Variants in PLCL2 observed in about 807,000 individuals in gnomAD.
The protein encoded by PLCL2 is phospholipase C like 2.
A neutral mutation model predicts 79.6 loss-of-function variants in PLCL2; 4 were observed. The ratio of observed to expected loss-of-function variants is 0.05; its 90% CI spans 0.02 to 0.11. The LOEUF (loss-of-function observed/expected upper bound fraction) is 0.11. PLCL2 is among the 10% of genes least tolerant of loss of function. PLCL2 has a pLI of 1.00. For missense variants in PLCL2, 895 were observed against 1,291.0 expected (o/e 0.69, Z 4.70); for synonymous variants, 484 against 457.7 (o/e 1.06, Z -0.73).
intron 1 of PLCL2, among the ~76,000 whole-genome samples, chr3:16,997,600 G>T (rs367871902): frequency 6.7e-6 from 1 of 149,772 alleles, no homozygotes; most frequent in African/African-American, 2.5e-5. Context: ...ATGCAGTGGC[G>T]CAATCTCAGC....
At chr3:17,066,267 T>C (rs979291250) in intron 4 of PLCL2, among the ~76,000 whole-genome samples, 1 of 152,180 alleles carries the variant, frequency 6.6e-6, no homozygotes, top group Non-Finnish European at 1.5e-5. Context: ...ATCTTACTAG[T>C]TACTGTTCTT....
Position 17,011,947 on chromosome 3 carries a change from G to C in PLCL2, c.2601G>C (p.Glu867Asp). The C allele has an allele frequency of 6.2e-7, 1 of 1,614,206 alleles. No homozygotes were observed. Among genetic ancestry groups the C allele is most frequent in the Non-Finnish European group, 8.5e-7 (1 of 1,180,020 alleles). Reference protein sequence around the residue: ...RHVPLQSLTGEVLAHASLFVH... With the variant: ...RHVPLQSLTGDVLAHASLFVH... ...TCCCCCTGCAGTCCTTAACTGGAGA[G>C]GTCCTTGCACATGCTTCTTTATTTG... Residue 867 changes from glutamate (E) to aspartate (D), a missense_variant, in exon 2 of 6, where the codon GAG (glutamate) becomes GAC (aspartate). This residue lies in a region of PLCL2 where 298 missense variants were observed against 459.6 expected (regional missense o/e 0.65). Coordinates refer to ENST00000615277, the MANE Select transcript of PLCL2 (RefSeq NM_001144382.2). The surrounding 1 kb of genome is among the most constrained non-coding windows in gnomAD (Gnocchi z 7.9).
intron 1 of PLCL2, among the ~76,000 whole-genome samples, chr3:16,939,128 C>T (rs1575540440): frequency 6.6e-6 from 1 of 152,048 alleles, no homozygotes; most frequent in South Asian, 2.1e-4. Context: ...ACAATTCTCC[C>T]TGTAGATAGC....
rs1032386844 is a variant in PLCL2, at chr3:17,052,773, C to T, written c.3094+9824C>T. On this transcript the variant is annotated intron_variant, in intron 4 of 5. Coordinates refer to ENST00000615277, the MANE Select transcript of PLCL2 (RefSeq NM_001144382.2). ...GAGGATGAAGACCTTTGTGATGATC[C>T]ACTTCCACGTGATAAATAGTAAATA... 2.0e-5 allele frequency among the ~76,000 whole-genome samples: 3 copies of T among 152,146 alleles called. No homozygotes were observed. In the South Asian group the frequency reaches 6.2e-4, roughly 32 times the overall value.
intron 1 of PLCL2, among the ~76,000 whole-genome samples, chr3:16,890,284 A>G (rs768516185): frequency 6.6e-6 from 1 of 152,250 alleles, no homozygotes; most frequent in Non-Finnish European, 1.5e-5. Flanking sequence ...ATCAAATCCA[A>G]ATAGGCAACT....
At chr3:16,890,655 C>A (rs772686884) in intron 1 of PLCL2, among the ~76,000 whole-genome samples, 6 of 152,188 alleles carry the variant, frequency 3.9e-5, no homozygotes, top group Non-Finnish European at 8.8e-5. Flanking sequence ...ACTTTAACTT[C>A]TTTTCTGTTC....
chr3:16,919,147 A>G (rs1697064885), intron 1 of PLCL2, among the ~76,000 whole-genome samples: 1 of 152,170 alleles, frequency 6.6e-6, no homozygotes, highest in South Asian at 2.1e-4. Context: ...AAATTACTAA[A>G]TAATAATTTA....
intron 1 of PLCL2, among the ~76,000 whole-genome samples, chr3:16,902,114 T>C (rs1186961496): frequency 6.6e-6 from 1 of 152,206 alleles, no homozygotes; most frequent in Non-Finnish European, 1.5e-5. Flanking sequence ...CTCACTACAA[T>C]GTATTCACAT....
At chr3:17,054,138 A>G (rs1162777628) in intron 4 of PLCL2, among the ~76,000 whole-genome samples, 1 of 152,174 alleles carries the variant, frequency 6.6e-6, no homozygotes, top group East Asian at 1.9e-4. Context: ...TTTGCTGCTT[A>G]GGAATTTCTT....
At chr3:16,978,246 T>C (rs2063946341) in intron 1 of PLCL2, among the ~76,000 whole-genome samples, 1 of 152,212 alleles carries the variant, frequency 6.6e-6, no homozygotes, top group Non-Finnish European at 1.5e-5. Flanking sequence ...CTTTTTATTG[T>C]TGAGAGGTGG....
intron 3 of PLCL2, among the ~76,000 whole-genome samples, chr3:17,023,425 G>T (rs531953622): frequency 6.6e-6 from 1 of 152,292 alleles, no homozygotes; most frequent in South Asian, 2.1e-4. Flanking sequence ...GGACCCAGGG[G>T]GAGGTAGTTG....
intron 1 of PLCL2, among the ~76,000 whole-genome samples, chr3:16,974,467 T>C (rs376024397): frequency 2.0e-5 from 3 of 152,242 alleles, no homozygotes; most frequent in East Asian, 3.9e-4. Context: ...GCCTAGGCTT[T>C]AGAAAAATGG....
chr3:16,972,274 G>A lies in PLCL2; in HGVS notation c.328-37400G>A, dbSNP rs139058150. On this transcript the variant is annotated intron_variant, in intron 1 of 5. Coordinates refer to ENST00000615277, the MANE Select transcript of PLCL2 (RefSeq NM_001144382.2). ...TGCAGATGACATGATTGTATATCTC[G>A]AAAACCCCATTGTCTCAGCCCAAAA... Among the ~76,000 whole-genome samples, 1,011 of 152,264 alleles carry A rather than the reference G, an allele frequency of 6.6e-3. 5 individuals are homozygous for A. Among genetic ancestry groups the A allele is most frequent in the African/African-American group, 0.02 (837 of 41,560 alleles).
chr3:16,938,784 G>A (rs113493597), intron 1 of PLCL2, among the ~76,000 whole-genome samples: 2,597 of 152,228 alleles, frequency 0.017, 64 homozygotes, highest in African/African-American at 0.055. Flanking sequence ...CCAGGCATGA[G>A]TTCTTTAAAT....
In PLCL2 at chr3:17,010,340, A is replaced by G. The variant is rs1435853053; in HGVS notation, c.994A>G (p.Ile332Val). Residue 332 changes from isoleucine (I) to valine (V), a missense_variant, in exon 2 of 6, where the codon ATT (isoleucine) becomes GTT (valine). This residue lies in a region of PLCL2 where 93 missense variants were observed against 93.2 expected (regional missense o/e 1.00). Coordinates refer to ENST00000615277, the MANE Select transcript of PLCL2 (RefSeq NM_001144382.2). This position sits in a 1 kb window ranked among gnomAD's most constrained non-coding sequence, Gnocchi z 5.8. ...TACCGAGGTCACAAAGGAAGAATTT[A>G]TTGAGGTTTTTCATGAGCTTTGTAC... ...AGTEVTKEEF[I>V]EVFHELCTRP... 7 of 1,613,964 alleles carry G rather than the reference A, an allele frequency of 4.3e-6. No individual in the cohort carries two copies. Among genetic ancestry groups the G allele is most frequent in the East Asian group, 2.2e-5 (1 of 44,882 alleles).
At chr3:16,965,449 T>C (rs906128096) in intron 1 of PLCL2, among the ~76,000 whole-genome samples, 2 of 152,098 alleles carry the variant, frequency 1.3e-5, no homozygotes, top group African/African-American at 4.8e-5. Flanking sequence ...TGAAGTCAGG[T>C]AGCGTGATGC....
At chr3:16,990,774 G>A (rs974517260) in intron 1 of PLCL2, among the ~76,000 whole-genome samples, 4 of 152,140 alleles carry the variant, frequency 2.6e-5, no homozygotes, top group African/African-American at 9.7e-5. Context: ...ACTTCCCAAG[G>A]CTGCACAGTT....
Position 17,042,888 on chromosome 3 carries a change from C to T in PLCL2, c.3033C>T (p.Leu1011=). The change falls in exon 4 of 6, where the codon CTC becomes CTT. Residue 1011 remains leucine, a synonymous_variant. Coordinates refer to ENST00000615277, the MANE Select transcript of PLCL2 (RefSeq NM_001144382.2). ...VTTYDMMIQS[L]KALIENADAV... ...TCCCTTTGCAGATGATTCAGTCCCT[C>T]AAGGCGTTGATTGAAAATGCAGATG... 1.2e-6 allele frequency: 2 copies of T among 1,611,124 alleles called. No homozygotes were observed. Among genetic ancestry groups the T allele is most frequent in the Non-Finnish European group, 1.7e-6 (2 of 1,177,488 alleles).
At chr3:16,985,115 G>C (rs1358677531) in intron 1 of PLCL2, among the ~76,000 whole-genome samples, 1 of 151,990 alleles carries the variant, frequency 6.6e-6, no homozygotes. Context: ...ACTTCTCTTC[G>C]TTCAAGTATG....
Sources: allele counts gnomAD v4.1 joint callset (sites outside exome capture counted in the v4.1 genomes callset), GRCh38; gene constraint gnomAD v4.1.1; regional missense constraint gnomAD v4.1.1; non-coding constraint Gnocchi (gnomAD v3.1); transcripts MANE v1.5; gene names NCBI Gene and HGNC (gene_info 2026-07-23, HGNC 2026-07-21).